SNX29: variants seen among roughly 807,000 people sequenced by gnomAD.
The protein encoded by SNX29 is sorting nexin 29, also known as sorting nexin-29.
A neutral mutation model predicts 102.1 loss-of-function variants in SNX29; 78 were observed. The observed-to-expected ratio is 0.76, with a 90% confidence interval of 0.64 to 0.92. SNX29 has a LOEUF of 0.92. Ranked by LOEUF, SNX29 falls within the 40% of genes least tolerant of loss-of-function variation. SNX29 has a pLI of 0.00. For missense variants in SNX29, 1,280 were observed against 1,061.7 expected (o/e 1.21, Z -2.86); for synonymous variants, 580 against 414.5 (o/e 1.40, Z -4.85).
At chr16:12,396,135 G>A (rs554494110) in intron 16 of SNX29, among the ~76,000 whole-genome samples, 194 of 152,270 alleles carry the variant, frequency 1.3e-3, no homozygotes, top group Non-Finnish European at 2.1e-3. Flanking sequence ...CATATCCCCT[G>A]TTCAAAATGT....
At chr16:12,374,106 C>G (rs1311727836) in intron 16 of SNX29, among the ~76,000 whole-genome samples, 2 of 152,330 alleles carry the variant, frequency 1.3e-5, no homozygotes, top group South Asian at 2.1e-4. Flanking sequence ...CTCTGGAATA[C>G]CACTTCTCCC....
At chr16:12,260,703 C>CT (rs2078709300) in intron 14 of SNX29, among the ~76,000 whole-genome samples, 1 of 151,786 alleles carries the variant, frequency 6.6e-6, no homozygotes, top group Non-Finnish European at 1.5e-5. Context: ...CACGCGTCCC[C>CT]GGCTGGAGTG....
At chr16:12,390,167 T>C (rs1291814556) in intron 16 of SNX29, among the ~76,000 whole-genome samples, 1 of 151,590 alleles carries the variant, frequency 6.6e-6, no homozygotes, top group African/African-American at 2.4e-5. Flanking sequence ...TGTGTGTGTG[T>C]GTGTGTGTGT....
intron 13 of SNX29, among the ~76,000 whole-genome samples, chr16:12,175,898 T>G (rs2076250232): frequency 6.6e-6 from 1 of 152,032 alleles, no homozygotes; most frequent in African/African-American, 2.4e-5. Flanking sequence ...CCTAGCTACT[T>G]GGAAGGCTGA....
intron 12 of SNX29, 40 bp from the exon 13 acceptor site, chr16:12,129,590 G>T (rs1405885752): frequency 1.3e-6 from 2 of 1,578,542 alleles, no homozygotes; most frequent in Admixed American, 3.5e-5. Context: ...GTGGGGTCTG[G>T]GTTGACAGCT....
intron 16 of SNX29, among the ~76,000 whole-genome samples, chr16:12,385,474 C>T (rs959214039): frequency 1.3e-5 from 2 of 152,116 alleles, no homozygotes; most frequent in Admixed American, 1.3e-4. Flanking sequence ...TGAGAAGAGA[C>T]CACCAGGCCA....
At chr16:12,432,548 G>T (rs1234060695) in intron 18 of SNX29, among the ~76,000 whole-genome samples, 2 of 152,166 alleles carry the variant, frequency 1.3e-5, no homozygotes, top group African/African-American at 4.8e-5. Context: ...CTAAGAAGGG[G>T]GATGGCAGGA....
At chr16:12,263,448 A>C (rs1476020603) in intron 14 of SNX29, among the ~76,000 whole-genome samples, 4 of 152,076 alleles carry the variant, frequency 2.6e-5, no homozygotes, top group Non-Finnish European at 5.9e-5. Flanking sequence ...GAATAGTTGT[A>C]TGGACCCGAT....
chr16:12,073,263 T>G (rs907403095), intron 10 of SNX29, among the ~76,000 whole-genome samples: 10 of 152,188 alleles, frequency 6.6e-5, no homozygotes, highest in African/African-American at 1.9e-4. Context: ...ATTGTGATGT[T>G]AGGGTGTGAA....
chr16:12,058,959 A>G (rs2050648589), intron 8 of SNX29, among the ~76,000 whole-genome samples: 1 of 151,336 alleles, frequency 6.6e-6, no homozygotes, highest in South Asian at 2.1e-4. Context: ...TACCTGGCTA[A>G]TTTTTAAATT....
chr16:11,999,313 C>A lies in SNX29; in HGVS notation c.24C>A (p.Asp8Glu). 6.2e-7 allele frequency: 1 copy of A among 1,614,016 alleles called. No individual in the cohort carries two copies. The highest frequency in any genetic ancestry group is 8.5e-7 in the Non-Finnish European group (1 of 1,179,946). The change falls in exon 2 of 21, where the codon GAC becomes GAA. Residue 8 changes from aspartate (D) to glutamate (E), a missense_variant. Asp to Glu is a conservative substitution (Grantham distance 45, BLOSUM62 2). Transcript: ENST00000566228. ...GCATTTTAGGATCACAGAACAATGA[C>A]AAAAGACAATTTCTGCTGGAGCGAC... MSGSQNNDKRQFLLERLL... is the reference protein window; with the variant it reads MSGSQNNEKRQFLLERLL...
chr16:12,118,376 A>C (rs1445607745), intron 11 of SNX29, among the ~76,000 whole-genome samples: 1 of 124,566 alleles, frequency 8.0e-6, no homozygotes. Flanking sequence ...GCTGGAGTGC[A>C]GTGGCACCAT....
chr16:12,181,285 A>T (rs1045125379), intron 13 of SNX29, among the ~76,000 whole-genome samples: 1 of 152,202 alleles, frequency 6.6e-6, no homozygotes, highest in African/African-American at 2.4e-5. Context: ...CATGTGCCCA[A>T]GGTGGTCAGA....
chr16:12,498,400 T>TA (rs1345485071), intron 19 of SNX29, among the ~76,000 whole-genome samples: 2 of 150,224 alleles, frequency 1.3e-5, no homozygotes, highest in Non-Finnish European at 2.9e-5. Flanking sequence ...GGTTTGGCAT[T>TA]TAAAAAAAAA....
chr16:12,131,385 A>G (rs908925866), intron 13 of SNX29, among the ~76,000 whole-genome samples: 2 of 152,230 alleles, frequency 1.3e-5, no homozygotes, highest in African/African-American at 4.8e-5. Flanking sequence ...TTGTTCATAT[A>G]CTAACATTTT....
At chr16:12,399,835 A>T (rs1306762827) in intron 17 of SNX29, among the ~76,000 whole-genome samples, 1 of 152,042 alleles carries the variant, frequency 6.6e-6, no homozygotes, top group Non-Finnish European at 1.5e-5. Context: ...GCTTGTGGGC[A>T]GGGGGAGCAT....
chr16:12,564,630 C>CA (rs1372338363), intron 20 of SNX29, among the ~76,000 whole-genome samples: 1 of 150,872 alleles, frequency 6.6e-6, no homozygotes, highest in African/African-American at 2.5e-5. Flanking sequence ...CCAGCATTAA[C>CA]AGAGTCCCTG....
At chr16:12,543,161 C>G (rs750565867) in intron 20 of SNX29, among the ~76,000 whole-genome samples, 10 of 152,128 alleles carry the variant, frequency 6.6e-5, no homozygotes, top group Non-Finnish European at 1.3e-4. Flanking sequence ...CATAAGTGTT[C>G]TCATCAGCTC....
chr16:12,263,393 G>C (rs1275204942), intron 14 of SNX29, among the ~76,000 whole-genome samples: 1 of 152,176 alleles, frequency 6.6e-6, no homozygotes, highest in Non-Finnish European at 1.5e-5. Context: ...CTACAAAAGT[G>C]CTGGAATTAC....
Sources: allele counts gnomAD v4.1 joint callset (sites outside exome capture counted in the v4.1 genomes callset), GRCh38; gene constraint gnomAD v4.1.1; transcripts MANE v1.5; gene names NCBI Gene and HGNC (gene_info 2026-07-23, HGNC 2026-07-21).